EPHA7: variants seen among roughly 807,000 people sequenced by gnomAD.
The protein encoded by EPHA7 is ephrin type-A receptor 7.
Under a neutral mutation model 112.6 loss-of-function variants are expected in EPHA7, and 25 were observed. The observed-to-expected ratio is 0.22, with a 90% CI of 0.16 to 0.31. The LOEUF (loss-of-function observed/expected upper bound fraction) is 0.31. EPHA7 is among the 10% of genes least tolerant of loss of function. The probability of loss-of-function intolerance (pLI) is 1.00; values close to 1 mark genes in which losing one functional copy is unlikely to be tolerated. For synonymous variants in EPHA7, 437 were observed against 406.5 expected (o/e 1.07, Z -0.90); for missense variants, 962 against 1,212.6 (o/e 0.79, Z 3.07).
intron 1 of EPHA7, among the ~76,000 whole-genome samples, chr6:93,415,919 A>G (rs919937004): frequency 2.0e-5 from 3 of 152,228 alleles, no homozygotes; most frequent in Admixed American, 1.3e-4. Flanking sequence ...ACAAAGGAAC[A>G]ACTGATTATC....
chr6:93,367,733 A>G (rs898394076), intron 3 of EPHA7, among the ~76,000 whole-genome samples: 1 of 151,698 alleles, frequency 6.6e-6, no homozygotes, highest in Non-Finnish European at 1.5e-5. Flanking sequence ...AATAGAGAAA[A>G]TAATAATAAG....
At position 93,252,075 on chromosome 6, in the gene EPHA7, T is replaced by C. The variant is rs556578534; in HGVS notation, c.2532+2572A>G. Among the ~76,000 whole-genome samples the C allele has an allele frequency of 3.3e-5, 5 of 152,138 alleles. 1 individual carries two copies. In the South Asian group the frequency reaches 1.0e-3, roughly 31 times the overall value. On this transcript the variant is annotated intron_variant, in intron 14 of 16. Transcript: ENST00000369303. ...CCTAGGTTTTTCTTGTTCATTGCCT[T>C]GTCCAGAGTTACACAAACTGTTCAG...
At chr6:93,245,188 T>C (rs1182817975) in intron 16 of EPHA7, 110 bp downstream of exon 16, 22 of 1,037,736 alleles carry the variant, frequency 2.1e-5, no homozygotes, top group Non-Finnish European at 3.0e-5. Context: ...ATTTTTTTTA[T>C]CTTGATTTTG....
intron 3 of EPHA7, among the ~76,000 whole-genome samples, chr6:93,401,332 G>A (rs1395324381): frequency 6.6e-6 from 1 of 151,920 alleles, no homozygotes; most frequent in Non-Finnish European, 1.5e-5. Flanking sequence ...ATTCATCGAC[G>A]CTAAACAAAG....
At chr6:93,399,487 C>T (rs1187501078) in intron 3 of EPHA7, among the ~76,000 whole-genome samples, 1 of 152,056 alleles carries the variant, frequency 6.6e-6, no homozygotes, top group East Asian at 1.9e-4. Context: ...TAATATTCTA[C>T]AGGATTTTTT....
intron 2 of EPHA7, among the ~76,000 whole-genome samples, chr6:93,413,701 ATTAAAT>A (rs1220983601): frequency 1.3e-5 from 2 of 151,948 alleles, no homozygotes; most frequent in African/African-American, 2.4e-5. Context: ...AATCTTAAAA[ATTAAAT>A]TTAATGAAAA....
intron 4 of EPHA7, 134 bp downstream of exon 4, chr6:93,358,122 T>C: frequency 1.6e-6 from 1 of 623,748 alleles, no homozygotes; most frequent in South Asian, 8.3e-5. Context: ...TTTATCTTAA[T>C]ATTTTAAAAT....
intron 1 of EPHA7, 29 bp from the exon 2 acceptor site, chr6:93,414,796 T>C (rs773618225): frequency 6.3e-7 from 1 of 1,590,154 alleles, no homozygotes; most frequent in Admixed American, 1.7e-5. Context: ...TTTCCATATG[T>C]TACATGAAAC....
Position 93,312,745 on chromosome 6 carries a change from A to G in EPHA7, c.1325-40323T>C, listed in dbSNP as rs114752845. Among the ~76,000 whole-genome samples the G allele has an allele frequency of 6.6e-3, 1,001 of 152,222 alleles. 12 individuals are homozygous for G. The highest frequency in any genetic ancestry group is 0.023 in the African/African-American group (958 of 41,526). On this transcript the variant is annotated intron_variant, in intron 5 of 16. Transcript: ENST00000369303. ...TCTCAGCTTTCCACATGCCTTCCTC[A>G]CTGAGTTTAATTATTTCTAGCTTTT...
At chr6:93,399,503 C>T (rs1330242253) in intron 3 of EPHA7, among the ~76,000 whole-genome samples, 5 of 151,940 alleles carry the variant, frequency 3.3e-5, no homozygotes, top group African/African-American at 9.7e-5. Context: ...TTTTTAGCCT[C>T]TTTTTAATTG....
chr6:93,357,261 G>A (rs934531750), intron 4 of EPHA7, among the ~76,000 whole-genome samples: 1 of 152,114 alleles, frequency 6.6e-6, no homozygotes. Context: ...CTTGGCAAGA[G>A]GCTTTATTTA....
At chr6:93,389,978 T>C (rs1777821667) in intron 3 of EPHA7, among the ~76,000 whole-genome samples, 1 of 151,914 alleles carries the variant, frequency 6.6e-6, no homozygotes, top group Non-Finnish European at 1.5e-5. Context: ...AATTGGAAAA[T>C]TTCTGTGTCC....
intron 5 of EPHA7, among the ~76,000 whole-genome samples, chr6:93,321,986 A>G (rs934364877): frequency 6.6e-6 from 1 of 151,850 alleles, no homozygotes; most frequent in Non-Finnish European, 1.5e-5. Context: ...ATTTATAATG[A>G]GGACATTAAT....
intron 5 of EPHA7, among the ~76,000 whole-genome samples, chr6:93,340,453 T>G (rs1775084952): frequency 6.6e-6 from 1 of 151,776 alleles, no homozygotes; most frequent in South Asian, 2.1e-4. Flanking sequence ...TGCTCCAAAG[T>G]TAAAAAGAAT....
At chr6:93,376,010 A>G (rs1251593466) in intron 3 of EPHA7, among the ~76,000 whole-genome samples, 3 of 152,212 alleles carry the variant, frequency 2.0e-5, no homozygotes, top group Non-Finnish European at 4.4e-5. Flanking sequence ...GGCAGAAGAT[A>G]GTCAGAAGGA....
At chr6:93,340,084 T>C (rs1775068726) in intron 5 of EPHA7, among the ~76,000 whole-genome samples, 1 of 151,938 alleles carries the variant, frequency 6.6e-6, no homozygotes, top group South Asian at 2.1e-4. Context: ...TGTTTAGCTA[T>C]ATATGCCTGA....
At chr6:93,383,222 T>C (rs1777430957) in intron 3 of EPHA7, among the ~76,000 whole-genome samples, 1 of 151,536 alleles carries the variant, frequency 6.6e-6, no homozygotes, top group South Asian at 2.1e-4. Flanking sequence ...TACATACACA[T>C]ATACATATAT....
At chr6:93,297,802 G>C (rs1229258863) in intron 5 of EPHA7, among the ~76,000 whole-genome samples, 1 of 152,008 alleles carries the variant, frequency 6.6e-6, no homozygotes, top group African/African-American at 2.4e-5. Context: ...ATACTACAAA[G>C]GCTTGAGCTA....
In EPHA7 at chr6:93,414,732, A is replaced by G. The variant is rs1278006090; in HGVS notation, c.133T>C (p.Leu45=). 2 of 1,612,508 alleles carry G rather than the reference A, an allele frequency of 1.2e-6. No homozygotes were observed. Among genetic ancestry groups the G allele is most frequent in the Non-Finnish European group, 1.7e-6 (2 of 1,179,134 alleles). ...LLDSKAQQTE[L]EWISSPPNGW... is the part of the protein sequence containing the mutation. ...TTGGGTGGAGAGGAAATCCACTCCAACTCTGTTTGTTGTGCTTTAGAATCC... is the reference window on the plus strand; with the variant it reads ...TTGGGTGGAGAGGAAATCCACTCCAGCTCTGTTTGTTGTGCTTTAGAATCC... The change falls in exon 2 of 17, where the codon TTG becomes CTG. Residue 45 remains leucine, a synonymous_variant. Coordinates refer to ENST00000369303, the MANE Select transcript of EPHA7 (RefSeq NM_004440.4).
Sources: gnomAD v4.1 joint callset for allele counts (sites outside exome capture counted in the v4.1 genomes callset) on GRCh38, gnomAD v4.1.1 for gene constraint, MANE v1.5 for transcripts, NCBI Gene and HGNC (gene_info 2026-07-23, HGNC 2026-07-21) for gene names.